The following SND1 variants were observed in gnomAD, a reference collection of about 807,000 sequenced individuals.
SND1 encodes the protein staphylococcal nuclease and tudor domain containing 1, also known as staphylococcal nuclease domain-containing protein 1.
SND1 carries 38 observed loss-of-function variants against 121.7 expected under a neutral mutation model. The observed-to-expected ratio is 0.31, with a 90% CI of 0.24 to 0.41. SND1 has a LOEUF of 0.41. Ranked by LOEUF, SND1 falls within the 10% of genes least tolerant of loss-of-function variation. SND1 has a pLI of 1.00. For synonymous variants in SND1, 401 were observed against 447.4 expected, an observed-to-expected ratio of 0.90 and a Z score of 1.31; for missense variants, 868 against 1,184.6, an observed-to-expected ratio of 0.73 and a Z score of 3.92.
chr7:128,005,651 C>G (rs545691179), intron 16 of SND1, among the ~76,000 whole-genome samples: 1 of 152,302 alleles, frequency 6.6e-6, no homozygotes, highest in African/African-American at 2.4e-5. Context: ...GGGATTACTT[C>G]TTTTTCCAAC....
At chr7:127,701,455 G>A (rs1003965554) in intron 5 of SND1, 132 bp downstream of exon 5, 17 of 880,758 alleles carry the variant, frequency 1.9e-5, no homozygotes, top group Non-Finnish European at 2.7e-5. Context: ...AATCCTTAAG[G>A]TTAAAACAGC....
intron 16 of SND1, among the ~76,000 whole-genome samples, chr7:128,034,669 G>C (rs1257710810): frequency 1.3e-5 from 2 of 152,198 alleles, no homozygotes; most frequent in African/African-American, 2.4e-5. Context: ...CTCTCAGTAA[G>C]TATTTGTGAC....
intron 16 of SND1, among the ~76,000 whole-genome samples, chr7:128,046,710 C>T (rs1209034189): frequency 6.6e-6 from 1 of 152,142 alleles, no homozygotes; most frequent in Non-Finnish European, 1.5e-5. Context: ...CCTCCCACCT[C>T]AGCCTCCGTT....
intron 14 of SND1, among the ~76,000 whole-genome samples, chr7:127,920,742 A>G (rs1209470988): frequency 2.0e-5 from 3 of 152,044 alleles, no homozygotes; most frequent in Non-Finnish European, 4.4e-5. Context: ...GACAGGAAGA[A>G]AGCAAGCTTA....
chr7:128,033,069 GGGGGA>G (rs1249005798), intron 16 of SND1, among the ~76,000 whole-genome samples: 8 of 152,174 alleles, frequency 5.3e-5, no homozygotes, highest in Non-Finnish European at 1.2e-4. Flanking sequence ...CCAGAGAACT[GGGGGA>G]AGGGAGGCGG....
chr7:128,082,100 C>G, intron 18 of SND1: 1 of 377,060 alleles, frequency 2.7e-6, no homozygotes, highest in Non-Finnish European at 5.5e-6. Flanking sequence ...TGGCCAGGGT[C>G]CCCTGGGCAG....
intron 12 of SND1, among the ~76,000 whole-genome samples, chr7:127,852,768 G>A (rs758060337): frequency 6.6e-6 from 1 of 151,338 alleles, no homozygotes; most frequent in African/African-American, 2.4e-5. Flanking sequence ...CCGAGAACAC[G>A]CCACTGCACT....
rs1005641981 is a variant in SND1, at chr7:128,085,224, C to A, written c.2234+377C>A. Among the ~76,000 whole-genome samples the A allele has an allele frequency of 1.3e-5, 2 of 152,156 alleles. No homozygotes were observed. The highest frequency in any genetic ancestry group is 2.9e-5 in the Non-Finnish European group (2 of 68,024). ...CTACAGTAAGCCTAAACCAGCTGCCCGACCCTCTTCCCCGGCTGTCTAGGA... is the reference window on the plus strand; with the variant it reads ...CTACAGTAAGCCTAAACCAGCTGCCAGACCCTCTTCCCCGGCTGTCTAGGA... On this transcript the variant is annotated intron_variant, in intron 19 of 23. Coordinates refer to ENST00000354725, the MANE Select transcript of SND1 (RefSeq NM_014390.4). The surrounding 1 kb of genome is among the most constrained non-coding windows in gnomAD (Gnocchi z 4.4).
chr7:127,665,986 T>C (rs6948423), intron 1 of SND1, among the ~76,000 whole-genome samples: 2,610 of 152,286 alleles, frequency 0.017, 77 homozygotes, highest in African/African-American at 0.059. Context: ...CATGATCTAT[T>C]ATTGTGTGTG....
chr7:127,897,389 T>A (rs1800141715), intron 13 of SND1, among the ~76,000 whole-genome samples: 1 of 152,150 alleles, frequency 6.6e-6, no homozygotes, highest in South Asian at 2.1e-4. Flanking sequence ...TGTGTTTGTG[T>A]TATGTAACAA....
intron 16 of SND1, among the ~76,000 whole-genome samples, chr7:128,004,223 G>A (rs1802907075): frequency 6.6e-6 from 1 of 150,794 alleles, no homozygotes; most frequent in Non-Finnish European, 1.5e-5. Context: ...TTACATGTCA[G>A]TGACTGCCTG....
At chr7:127,783,434 G>T (rs1037809094) in intron 10 of SND1, among the ~76,000 whole-genome samples, 1 of 152,172 alleles carries the variant, frequency 6.6e-6, no homozygotes, top group Non-Finnish European at 1.5e-5. Context: ...TGAATATTGT[G>T]TTAACAGACT....
chr7:128,006,609 T>C (rs1802984260), intron 16 of SND1, among the ~76,000 whole-genome samples: 1 of 152,250 alleles, frequency 6.6e-6, no homozygotes, highest in Non-Finnish European at 1.5e-5. Context: ...TTCTCCTTTA[T>C]GTACCATATT....
At chr7:127,692,107 A>T (rs1273302395) in intron 2 of SND1, among the ~76,000 whole-genome samples, 1 of 152,124 alleles carries the variant, frequency 6.6e-6, no homozygotes, top group African/African-American at 2.4e-5. Flanking sequence ...GAGGGACAAA[A>T]AGTATTGAAT....
chr7:127,889,402 G>A (rs1443079111), intron 13 of SND1, among the ~76,000 whole-genome samples: 3 of 151,442 alleles, frequency 2.0e-5, no homozygotes, highest in Admixed American at 6.6e-5. Context: ...TATAACAGAT[G>A]TATGTATTTA....
chr7:127,759,689 A>G (rs1160761003), intron 10 of SND1, among the ~76,000 whole-genome samples: 3 of 134,998 alleles, frequency 2.2e-5, no homozygotes, highest in Non-Finnish European at 3.1e-5. Flanking sequence ...ATACATCCAT[A>G]CGTATATTTA....
chr7:128,085,915 G>T lies in SND1; in HGVS notation c.2304+135G>T. On this transcript the variant is annotated intron_variant, in intron 20 of 23. Transcript: ENST00000354725. The surrounding 1 kb of genome is among the most constrained non-coding windows in gnomAD (Gnocchi z 4.4). ...GCATTGGGGCATCTCTGCTGTGCGT[G>T]TAACAGGCCAGGCCCCCTCAGTGAC... 1 of 776,576 alleles carries T rather than the reference G, an allele frequency of 1.3e-6. No individual in the cohort carries two copies. Among genetic ancestry groups the T allele is most frequent in the Non-Finnish European group, 2.1e-6 (1 of 469,388 alleles). 48.1% of individuals were successfully genotyped at this position (776,576 alleles called of 1,614,324 possible). A position where few individuals can be genotyped will look rare whatever the true frequency, so the allele number is the denominator to read the frequency against.
At chr7:127,669,150 G>A (rs1336244732) in intron 1 of SND1, among the ~76,000 whole-genome samples, 5 of 152,164 alleles carry the variant, frequency 3.3e-5, no homozygotes, top group East Asian at 3.9e-4. Flanking sequence ...TCGACACCAC[G>A]ACCAGCTCAT....
At chr7:127,664,803 A>G (rs1171365779) in intron 1 of SND1, among the ~76,000 whole-genome samples, 4 of 152,166 alleles carry the variant, frequency 2.6e-5, no homozygotes, top group Admixed American at 6.5e-5. Flanking sequence ...TCTGAATTGA[A>G]TTGAATTGTA....
Sources: gnomAD v4.1 joint callset for allele counts (sites outside exome capture counted in the v4.1 genomes callset) on GRCh38, gnomAD v4.1.1 for gene constraint, Gnocchi (gnomAD v3.1) non-coding constraint, MANE v1.5 for transcripts, NCBI Gene and HGNC (gene_info 2026-07-23, HGNC 2026-07-21) for gene names.